The following YJU2B variants were observed in gnomAD, a reference collection of about 807,000 sequenced individuals.
YJU2B encodes the protein probable splicing factor YJU2B.
A neutral mutation model predicts 38.0 loss-of-function variants in YJU2B; 18 were observed. The observed-to-expected ratio is 0.47, with a 90% CI of 0.33 to 0.70. YJU2B has a LOEUF of 0.70. Ranked by LOEUF, YJU2B falls within the 30% of genes least tolerant of loss-of-function variation. The pLI is 0.02. For missense variants in YJU2B, 538 were observed against 556.3 expected, an observed-to-expected ratio of 0.97 and a Z score of 0.33; for synonymous variants, 246 against 225.4, an observed-to-expected ratio of 1.09 and a Z score of -0.82.
At chr19:13,742,372 G>A (rs1472635793) in intron 2 of YJU2B, among the ~76,000 whole-genome samples, 3 of 139,634 alleles carry the variant, frequency 2.1e-5, no homozygotes, top group Non-Finnish European at 4.5e-5. Context: ...GCGCAATCTC[G>A]GCTCACTGCA....
exon 1 of YJU2B, chr19:13,731,786 G>A (rs1192314269): frequency 6.6e-6 from 1 of 152,260 alleles, no homozygotes; most frequent in Non-Finnish European, 1.5e-5. Context: ...GCTTCAACCA[G>A]CGAAGGCTGA....
chr19:13,759,155 C>T lies in YJU2B; in HGVS notation c.456C>T (p.Gly152=), dbSNP rs371636722. The T allele has an allele frequency of 8.1e-6, 13 of 1,613,344 alleles. No individual in the cohort carries two copies. Among genetic ancestry groups the T allele is most frequent in the Non-Finnish European group, 9.3e-6 (11 of 1,179,826 alleles). The change falls in exon 8 of 10, where the codon GGC becomes GGT. Residue 152 remains glycine (G), a synonymous_variant. Coordinates refer to ENST00000221554, the MANE Select transcript of YJU2B (RefSeq NM_030818.4). ...ACGCCATGTTCCGGCTGGAGCATGG[C>T]GAGGCCGACCGCAGCACACTCAAGA... ...ETDAMFRLEH[G]EADRSTLKKA...
chr19:13,747,857 G>C (rs1225206177), upstream of YJU2B: 1 of 152,312 alleles, frequency 6.6e-6, no homozygotes, highest in Admixed American at 6.5e-5. Context: ...CCCGCCTCAC[G>C]CCGGCGTCCT....
At chr19:13,737,648 G>A in intron 2 of YJU2B, among the ~76,000 whole-genome samples, 1 of 149,868 alleles carries the variant, frequency 6.7e-6, no homozygotes, top group Admixed American at 6.8e-5. Flanking sequence ...AGCCAGGCAT[G>A]GCGGCGAGCG....
At chr19:13,746,070 G>A (rs1232630034), upstream of YJU2B, among the ~76,000 whole-genome samples, 2 of 151,994 alleles carry the variant, frequency 1.3e-5, no homozygotes, top group African/African-American at 4.8e-5. Context: ...TGGCCAACAT[G>A]GTGAAACCCC....
chr19:13,762,408 C>G lies in YJU2B; in HGVS notation c.683C>G (p.Ala228Gly), dbSNP rs368944714. The change falls in exon 9 of 10, where the codon GCG becomes GGG. Residue 228 changes from alanine to glycine, a missense_variant. This residue lies in a region of YJU2B where 488 missense variants were observed against 469.5 expected (regional missense o/e 1.04). Transcript: ENST00000221554. ...VPETEDDRKL[A>G]ALLKFHTLDS... Reference sequence around the variant, plus strand: ...GAGACGGAAGATGACCGCAAGCTGGCGGCTCTGCTGAAGTTCCACACCCTG... The same window carrying G: ...GAGACGGAAGATGACCGCAAGCTGGGGGCTCTGCTGAAGTTCCACACCCTG... The G allele has an allele frequency of 6.2e-7, 1 of 1,613,362 alleles. No homozygotes were observed. Among genetic ancestry groups the G allele is most frequent in the Non-Finnish European group, 8.5e-7 (1 of 1,179,984 alleles).
upstream of YJU2B, among the ~76,000 whole-genome samples, chr19:13,744,243 G>A (rs1336044764): frequency 1.3e-5 from 2 of 152,092 alleles, no homozygotes; most frequent in African/African-American, 2.4e-5. Context: ...ATGGATTAAG[G>A]AAGAGAAGCT....
At position 13,762,441 on chromosome 19, in the gene YJU2B, C is replaced by G; in HGVS notation, c.712+4C>G. 6.2e-7 allele frequency: 1 copy of G among 1,611,298 alleles called. No individual in the cohort carries two copies. The highest frequency in any genetic ancestry group is 8.5e-7 in the Non-Finnish European group (1 of 1,179,582). On this transcript the variant is annotated splice_donor_region_variant and intron_variant, in intron 9 of 9. Transcript: ENST00000221554. ...CTGAAGTTCCACACCCTGGACTGTG[C>G]GTAGGAGGCCAGGGGGAAAAGGGGA... is the stretch of plus-strand genomic sequence containing the variant.
chr19:13,755,631 C>T (rs988710133), intron 3 of YJU2B, among the ~76,000 whole-genome samples: 5 of 151,948 alleles, frequency 3.3e-5, no homozygotes, highest in African/African-American at 7.3e-5. Flanking sequence ...TGAGGTCACT[C>T]GCCCAGGGTC....
intron 2 of YJU2B, among the ~76,000 whole-genome samples, chr19:13,739,547 G>A (rs1599492401): frequency 6.6e-6 from 1 of 151,984 alleles, no homozygotes. Context: ...GTTGTGGTTG[G>A]AACCCACCTC....
In YJU2B at chr19:13,761,028, C is replaced by G. The variant is rs539125420; in HGVS notation, c.574-1271C>G. On this transcript the variant is annotated intron_variant, in intron 8 of 9. Transcript: ENST00000221554. The stretch of plus-strand genomic sequence containing the variant: ...ATGTGATCCACCCACCTCAACCTCC[C>G]AAAGTGCTAGGATTACAGGCGTGAG... Among the ~76,000 whole-genome samples the G allele has an allele frequency of 2.1e-4, 32 of 152,150 alleles. No individual in the cohort carries two copies. In the South Asian group the frequency reaches 6.6e-3, roughly 32 times the overall value.
chr19:13,762,485 C>T (rs1417389767), intron 9 of YJU2B, 48 bp downstream of exon 9: 2 of 1,597,232 alleles, frequency 1.3e-6, no homozygotes, highest in Non-Finnish European at 1.7e-6. Context: ...CTCAGAGTTG[C>T]CTGGAGATGG....
At chr19:13,737,410 A>G (rs1040807505) in intron 2 of YJU2B, among the ~76,000 whole-genome samples, 31 of 151,760 alleles carry the variant, frequency 2.0e-4, no homozygotes, top group African/African-American at 7.5e-4. Flanking sequence ...CAGGATCCCA[A>G]TTCTTCAAGT....
intron 2 of YJU2B, among the ~76,000 whole-genome samples, chr19:13,735,205 T>G (rs1972912433): frequency 6.6e-6 from 1 of 152,072 alleles, no homozygotes; most frequent in Admixed American, 6.6e-5. Context: ...TAGTCTCAGC[T>G]GCTCCCAGCT....
In YJU2B at chr19:13,735,868, C is replaced by T. The variant is rs1027993854; in HGVS notation, c.-202+3583C>T. ...GAGATCGAGGCCATCCTGGCTAACA[C>T]GGTGAAACCCCATCTCTACTAAAAA... On this transcript the variant is annotated intron_variant, in intron 2 of 10. Coordinates refer to the YJU2B transcript ENST00000586600. Among the ~76,000 whole-genome samples the T allele has an allele frequency of 7.7e-4, 117 of 152,134 alleles. 1 individual carries two copies. The highest frequency in any genetic ancestry group is 2.6e-3 in the African/African-American group (108 of 41,522).
chr19:13,751,583 G>T (rs1973466222), intron 1 of YJU2B, 25 bp from the exon 2 acceptor site: 4 of 580,858 alleles, frequency 6.9e-6, no homozygotes, highest in Non-Finnish European at 9.3e-6. Flanking sequence ...CTGTAGAGTG[G>T]ACGGGACTCT....
chr19:13,732,119 C>T (rs1185224774), intron 1 of YJU2B: 6 of 152,206 alleles, frequency 3.9e-5, no homozygotes, highest in Non-Finnish European at 7.3e-5. Context: ...GAGTGGTGGG[C>T]TGAAGAGTCC....
chr19:13,745,473 G>T (rs543060108), upstream of YJU2B, among the ~76,000 whole-genome samples: 15 of 152,068 alleles, frequency 9.9e-5, no homozygotes, highest in East Asian at 2.5e-3. Flanking sequence ...CACCAGCCTG[G>T]CCAACGTGGA....
upstream of YJU2B, among the ~76,000 whole-genome samples, chr19:13,747,205 T>C (rs1418295829): frequency 2.0e-5 from 3 of 152,230 alleles, no homozygotes; most frequent in South Asian, 6.2e-4. Context: ...CTGCATTTGC[T>C]GTTCCCCCAA....
Sources: gnomAD v4.1 joint callset for allele counts (sites outside exome capture counted in the v4.1 genomes callset) on GRCh38, gnomAD v4.1.1 for gene constraint, gnomAD v4.1.1 regional missense constraint, MANE v1.5 for transcripts, NCBI Gene and HGNC (gene_info 2026-07-23, HGNC 2026-07-21) for gene names.